The following MYO1E variants were observed in gnomAD, a reference collection of about 807,000 sequenced individuals.
MYO1E encodes the protein unconventional myosin-Ie.
Under a neutral mutation model 151.1 loss-of-function variants are expected in MYO1E, and 68 were observed. The observed-to-expected ratio is 0.45, with a 90% CI of 0.37 to 0.55. The LOEUF is 0.55. MYO1E is among the 20% of genes least tolerant of loss of function. MYO1E has a pLI of 0.00. For synonymous variants in MYO1E, 601 were observed against 501.7 expected, an observed-to-expected ratio of 1.20 and a Z score of -2.64; for missense variants, 1,363 against 1,389.3, an observed-to-expected ratio of 0.98 and a Z score of 0.30.
intron 12 of MYO1E, among the ~76,000 whole-genome samples, chr15:59,213,858 T>C (rs534031223): frequency 5.3e-5 from 8 of 152,304 alleles, no homozygotes; most frequent in African/African-American, 1.7e-4. Context: ...TTAGGGAAGA[T>C]TGAAAATGGC....
At chr15:59,306,161 G>C (rs771053357) in intron 1 of MYO1E, among the ~76,000 whole-genome samples, 23 of 152,132 alleles carry the variant, frequency 1.5e-4, no homozygotes, top group Non-Finnish European at 3.1e-4. Flanking sequence ...CAAATCATTT[G>C]CAATTAAATC....
intron 10 of MYO1E, 139 bp from the exon 11 acceptor site, chr15:59,214,859 A>T: frequency 1.3e-6 from 1 of 742,882 alleles, no homozygotes; most frequent in South Asian, 1.4e-5. Context: ...AAGGCAGGAG[A>T]CTTGCTGCTT....
chr15:59,371,535 G>A (rs1267938452), intron 1 of MYO1E, among the ~76,000 whole-genome samples: 1 of 152,020 alleles, frequency 6.6e-6, no homozygotes, highest in Non-Finnish European at 1.5e-5. Context: ...AAGGGAGGTG[G>A]CTAAGGTTAT....
At chr15:59,150,959 G>A (rs1430755527) in intron 26 of MYO1E, among the ~76,000 whole-genome samples, 5 of 148,806 alleles carry the variant, frequency 3.4e-5, no homozygotes, top group African/African-American at 1.2e-4. Context: ...GAGCTGGTGG[G>A]ATATAGCTAC....
At chr15:59,194,311 C>T (rs140798939) in intron 17 of MYO1E, among the ~76,000 whole-genome samples, 1,713 of 152,242 alleles carry the variant, frequency 0.011, 45 homozygotes, top group African/African-American at 0.037. Flanking sequence ...GACTGCATGC[C>T]GAAGTATTCA....
chr15:59,139,617 CGGCCCTCCT>C (rs2079397221), intron 26 of MYO1E, among the ~76,000 whole-genome samples: 1 of 150,960 alleles, frequency 6.6e-6, no homozygotes, highest in African/African-American at 2.4e-5. Context: ...ACTCTGCAGA[CGGCCCTCCT>C]ACCCCTTCCT....
intron 10 of MYO1E, among the ~76,000 whole-genome samples, chr15:59,216,498 G>C (rs2079915091): frequency 6.6e-6 from 1 of 150,848 alleles, no homozygotes; most frequent in African/African-American, 2.4e-5. Flanking sequence ...GTTACTGGCA[G>C]CTCTACACTG....
rs145157592 is a variant in MYO1E at position 59,209,732 on chromosome 15, T to C, written c.1362+782A>G. On this transcript the variant is annotated intron_variant, in intron 13 of 27. Coordinates refer to ENST00000288235, the MANE Select transcript of MYO1E (RefSeq NM_004998.4). Reference sequence around the variant, plus strand: ...TAAATAAGTTGTCTACGGATGTTTTTACTGTTTCCAGTTTTTGGCTTTTAT... The same window carrying C: ...TAAATAAGTTGTCTACGGATGTTTTCACTGTTTCCAGTTTTTGGCTTTTAT... Among the ~76,000 whole-genome samples the C allele has an allele frequency of 4.8e-3, 722 of 151,926 alleles. 19 individuals carry two copies. The highest frequency in any genetic ancestry group is 0.012 in the East Asian group (60 of 5,182).
At chr15:59,239,369 G>A (rs1460266020) in intron 4 of MYO1E, among the ~76,000 whole-genome samples, 2 of 151,390 alleles carry the variant, frequency 1.3e-5, no homozygotes, top group African/African-American at 4.8e-5. Context: ...ATCACCATAA[G>A]TATGTATATT....
intron 1 of MYO1E, among the ~76,000 whole-genome samples, chr15:59,362,399 G>C (rs1285775735): frequency 6.6e-6 from 1 of 152,112 alleles, no homozygotes; most frequent in African/African-American, 2.4e-5. Context: ...TTGTTCTCGT[G>C]ATCTGCGGAA....
At chr15:59,321,109 A>G (rs1470859784) in intron 1 of MYO1E, among the ~76,000 whole-genome samples, 1 of 152,256 alleles carries the variant, frequency 6.6e-6, no homozygotes, top group Non-Finnish European at 1.5e-5. Context: ...ATTATCATAG[A>G]AATACAAATC....
chr15:59,257,459 T>C (rs1380699760), intron 3 of MYO1E, among the ~76,000 whole-genome samples: 3 of 152,214 alleles, frequency 2.0e-5, no homozygotes, highest in African/African-American at 4.8e-5. Context: ...AGTCTCACAG[T>C]GTAAATGACG....
chr15:59,234,354 G>A (rs2080049197), intron 5 of MYO1E, among the ~76,000 whole-genome samples: 1 of 152,270 alleles, frequency 6.6e-6, no homozygotes, highest in Middle Eastern at 3.4e-3. Context: ...GGAAGAGATA[G>A]AGAAGATTCT....
intron 24 of MYO1E, among the ~76,000 whole-genome samples, chr15:59,160,560 C>T (rs1404487717): frequency 6.6e-6 from 1 of 151,888 alleles, no homozygotes; most frequent in Non-Finnish European, 1.5e-5. Context: ...CAGGCATGCA[C>T]CACCATGCCT....
Position 59,135,093 on chromosome 15 carries a change from C to T in MYO1E, c.*2287G>A, listed in dbSNP as rs1291712709. The T allele has an allele frequency of 6.6e-6, 1 of 152,146 alleles. No homozygotes were observed. The highest frequency in any genetic ancestry group is 1.5e-5 in the Non-Finnish European group (1 of 68,044). 9.4% of individuals were successfully genotyped at this position (152,146 alleles called of 1,614,324 possible). A position where few individuals can be genotyped will look rare whatever the true frequency, so the allele number is the denominator to read the frequency against. On this transcript the variant is annotated 3_prime_UTR_variant, in exon 28 of 28. Transcript: ENST00000288235. ...GCATCTCTACGCAGATCTAAGTCTC[C>T]TTCCCCTGTGGGTCACTTACCTATT...
intron 17 of MYO1E, among the ~76,000 whole-genome samples, 182 bp from the exon 18 acceptor site, chr15:59,188,398 T>G (rs111786213): frequency 2.0e-5 from 3 of 152,242 alleles, no homozygotes; most frequent in African/African-American, 7.2e-5. Context: ...TTTTAAATAT[T>G]GAAATACAGC....
Position 59,208,667 on chromosome 15 carries a change from G to A in MYO1E, c.1530+14C>T, listed in dbSNP as rs116371817. 3.8e-4 allele frequency: 615 copies of A among 1,614,082 alleles called. 2 individuals are homozygous for A. The African/African-American group carries it at 6.4e-3, about 17-fold the overall frequency. On this transcript the variant is annotated intron_variant, in intron 14 of 27. Coordinates refer to ENST00000288235, the MANE Select transcript of MYO1E (RefSeq NM_004998.4). Reference sequence around the variant, plus strand: ...CTTAAAACAGATAGACATTAAAATGGATATTGGCCATACCTTCCCAGCATA... The same window carrying A: ...CTTAAAACAGATAGACATTAAAATGAATATTGGCCATACCTTCCCAGCATA...
At chr15:59,270,134 G>A (rs926470150) in intron 2 of MYO1E, among the ~76,000 whole-genome samples, 3 of 152,232 alleles carry the variant, frequency 2.0e-5, no homozygotes, top group African/African-American at 4.8e-5. Context: ...AAATAATAAC[G>A]TAATGTATAT....
intron 1 of MYO1E, among the ~76,000 whole-genome samples, chr15:59,336,077 A>T (rs1294225303): frequency 1.3e-5 from 2 of 151,510 alleles, no homozygotes; most frequent in African/African-American, 4.9e-5. Context: ...TTCTGGAATT[A>T]AAAAAAAACT....
Sources: gnomAD v4.1 joint callset for allele counts (sites outside exome capture counted in the v4.1 genomes callset) on GRCh38, gnomAD v4.1.1 for gene constraint, MANE v1.5 for transcripts, NCBI Gene and HGNC (gene_info 2026-07-23, HGNC 2026-07-21) for gene names.